The following LPP variants were observed in gnomAD, a reference collection of about 807,000 sequenced individuals.
The protein encoded by LPP is LIM domain containing preferred translocation partner in lipoma, also known as lipoma-preferred partner.
Under a neutral mutation model 60.4 loss-of-function variants are expected in LPP, and 38 were observed. That is an observed-to-expected ratio of 0.63 (90% CI 0.49 to 0.83). LPP has a LOEUF of 0.83. Among genes scored for constraint, LPP ranks in the 40% least tolerant of loss-of-function variants. The probability of loss-of-function intolerance (pLI) is 0.00; values close to 1 mark genes in which losing one functional copy is unlikely to be tolerated. For missense variants in LPP, 902 were observed against 783.6 expected, an observed-to-expected ratio of 1.15 and a Z score of -1.80; for synonymous variants, 328 against 290.8, an observed-to-expected ratio of 1.13 and a Z score of -1.30.
chr3:188,384,431 A>C (rs1441009837), intron 3 of LPP, among the ~76,000 whole-genome samples: 1 of 151,862 alleles, frequency 6.6e-6, no homozygotes, highest in Non-Finnish European at 1.5e-5. Context: ...CAGATGGGCA[A>C]CCCTGATGAT....
At chr3:188,188,382 TA>T (rs1354855036) in intron 1 of LPP, among the ~76,000 whole-genome samples, 1 of 152,214 alleles carries the variant, frequency 6.6e-6, no homozygotes, top group Non-Finnish European at 1.5e-5. Flanking sequence ...TACTGCCTAG[TA>T]ATTCACTGAG....
chr3:188,530,302 A>T (rs185355269), intron 6 of LPP, among the ~76,000 whole-genome samples: 6 of 152,350 alleles, frequency 3.9e-5, no homozygotes, highest in Admixed American at 2.6e-4. Context: ...GCTACTTTAT[A>T]AAAAAATCCT....
intron 7 of LPP, among the ~76,000 whole-genome samples, chr3:188,661,898 G>A (rs1854660543): frequency 6.6e-6 from 1 of 152,116 alleles, no homozygotes; most frequent in African/African-American, 2.4e-5. Flanking sequence ...GCAGACTTGG[G>A]GATATAAAAG....
Position 188,819,869 on chromosome 3 carries a change from C to G in LPP, c.1411-46331C>G, listed in dbSNP as rs115686718. On this transcript the variant is annotated intron_variant, in intron 9 of 11. Coordinates refer to ENST00000617246, the MANE Select transcript of LPP (RefSeq NM_001375462.1). The stretch of plus-strand genomic sequence containing the variant: ...TCCACGGGAAGGTTTGTTAGAACTG[C>G]AGGAGTGTGCCCAAACCTATATGTC... 4.7e-3 allele frequency among the ~76,000 whole-genome samples: 712 copies of G among 152,232 alleles called. 9 individuals are homozygous for G. Among genetic ancestry groups the G allele is most frequent in the African/African-American group, 0.017 (691 of 41,540 alleles).
At chr3:188,753,987 A>G (rs144819763) in intron 8 of LPP, among the ~76,000 whole-genome samples, 5 of 152,348 alleles carry the variant, frequency 3.3e-5, no homozygotes, top group South Asian at 2.1e-4. Context: ...ACAGAGCTAA[A>G]TGGCAATAAC....
chr3:188,451,837 C>G (rs996262031), intron 4 of LPP, among the ~76,000 whole-genome samples: 10 of 152,118 alleles, frequency 6.6e-5, no homozygotes, highest in African/African-American at 2.2e-4. Flanking sequence ...GTGGCATCCT[C>G]GAGGGATAGT....
chr3:188,800,449 G>T (rs1252882581), intron 9 of LPP, among the ~76,000 whole-genome samples: 3 of 151,934 alleles, frequency 2.0e-5, no homozygotes, highest in South Asian at 2.1e-4. Context: ...GTTTCATCGT[G>T]TTAGCCAGGA....
intron 4 of LPP, among the ~76,000 whole-genome samples, chr3:188,466,804 AACAT>A (rs61118691): frequency 0.039 from 2,809 of 72,896 alleles, 401 homozygotes; most frequent in African/African-American, 0.066. Flanking sequence ...GTCATCTCAG[AACAT>A]ATATATATAT....
chr3:188,411,927 C>T (rs74367138), intron 4 of LPP, among the ~76,000 whole-genome samples: 111 of 152,100 alleles, frequency 7.3e-4, no homozygotes, highest in African/African-American at 2.6e-3. Flanking sequence ...GCAAAAACCA[C>T]GATTACTTTT....
At chr3:188,671,114 T>G (rs1856868315) in intron 7 of LPP, among the ~76,000 whole-genome samples, 1 of 152,244 alleles carries the variant, frequency 6.6e-6, no homozygotes, top group Non-Finnish European at 1.5e-5. Flanking sequence ...GATCAAGTAC[T>G]ACGCAGCTGA....
intron 1 of LPP, among the ~76,000 whole-genome samples, chr3:188,176,251 T>A (rs760197268): frequency 9.9e-5 from 15 of 152,190 alleles, no homozygotes; most frequent in Non-Finnish European, 2.1e-4. Context: ...CAGGTGCTAC[T>A]AATGTTGAAG....
intron 5 of LPP, among the ~76,000 whole-genome samples, chr3:188,524,386 C>T (rs1252900320): frequency 6.6e-6 from 1 of 152,140 alleles, no homozygotes; most frequent in Non-Finnish European, 1.5e-5. Context: ...CATTTATTTT[C>T]CTTTACTTGT....
At chr3:188,773,955 A>G (rs956550482) in intron 9 of LPP, among the ~76,000 whole-genome samples, 1 of 152,190 alleles carries the variant, frequency 6.6e-6, no homozygotes, top group Non-Finnish European at 1.5e-5. Context: ...CTAGTACCTC[A>G]TAGTCATTCA....
intron 3 of LPP, among the ~76,000 whole-genome samples, chr3:188,360,025 C>CT: frequency 6.6e-6 from 1 of 152,188 alleles, no homozygotes; most frequent in Non-Finnish European, 1.5e-5. Context: ...CAAGATACCT[C>CT]TTTTTCAACC....
intron 3 of LPP, among the ~76,000 whole-genome samples, chr3:188,391,334 G>A (rs558224533): frequency 6.6e-6 from 1 of 152,344 alleles, no homozygotes; most frequent in African/African-American, 2.4e-5. Flanking sequence ...GGCACTGGGT[G>A]TGCTCTGTGC....
chr3:188,806,343 G>A (rs1749131437), intron 9 of LPP, among the ~76,000 whole-genome samples: 1 of 151,666 alleles, frequency 6.6e-6, no homozygotes, highest in Admixed American at 6.6e-5. Flanking sequence ...CTTTAACTCT[G>A]AAAATATTCT....
intron 5 of LPP, among the ~76,000 whole-genome samples, chr3:188,514,769 A>G (rs1816845580): frequency 6.6e-6 from 1 of 152,178 alleles, no homozygotes; most frequent in Non-Finnish European, 1.5e-5. Flanking sequence ...TTTTCAGTCC[A>G]AACGCATAAG....
Position 188,878,203 on chromosome 3 carries a change from A to G in LPP, c.*3724A>G, listed in dbSNP as rs1769474814. 1 of 216,000 alleles carries G rather than the reference A, an allele frequency of 4.6e-6. No individual in the cohort carries two copies. The highest frequency in any genetic ancestry group is 2.3e-5 in the African/African-American group (1 of 44,288). The allele number at this position is 216,000 out of a possible 1,614,324, so 13.4% of individuals were successfully genotyped here. A position where few individuals can be genotyped will look rare whatever the true frequency, so the allele number is the denominator to read the frequency against. The stretch of plus-strand genomic sequence containing the variant: ...GGAATAACAGTGTTATTTCTATTGG[A>G]TATGGTTTGGGCTTCTCTTGTCAAA... On this transcript the variant is annotated 3_prime_UTR_variant, in exon 12 of 12. Coordinates refer to ENST00000617246, the MANE Select transcript of LPP (RefSeq NM_001375462.1).
intron 1 of LPP, among the ~76,000 whole-genome samples, chr3:188,184,949 G>A (rs1476615178): frequency 2.6e-5 from 4 of 152,068 alleles, no homozygotes; most frequent in African/African-American, 7.2e-5. Context: ...GGTCTTGGAC[G>A]TAAGAAGAGA....
Sources: allele counts gnomAD v4.1 joint callset (sites outside exome capture counted in the v4.1 genomes callset), GRCh38; gene constraint gnomAD v4.1.1; transcripts MANE v1.5; gene names NCBI Gene and HGNC (gene_info 2026-07-23, HGNC 2026-07-21).